MYO1D: variants seen among roughly 807,000 people sequenced by gnomAD.
MYO1D encodes the protein myosin ID.
MYO1D carries 83 observed loss-of-function variants against 122.0 expected under a neutral mutation model. The observed-to-expected ratio is 0.68, with a 90% CI of 0.57 to 0.82. The LOEUF (loss-of-function observed/expected upper bound fraction) is 0.82. MYO1D is among the 40% of genes least tolerant of loss of function. The pLI is 0.00. For missense variants in MYO1D, 1,157 were observed against 1,269.5 expected, an observed-to-expected ratio of 0.91 and a Z score of 1.35; for synonymous variants, 464 against 446.9, an observed-to-expected ratio of 1.04 and a Z score of -0.48.
intron 21 of MYO1D, among the ~76,000 whole-genome samples, chr17:32,571,054 A>G (rs934992694): frequency 1.3e-5 from 2 of 152,022 alleles, no homozygotes. Context: ...AAGTCACAAG[A>G]TGGGTGGGTG....
intron 21 of MYO1D, among the ~76,000 whole-genome samples, chr17:32,551,779 A>G (rs12937477): frequency 0.01 from 1,571 of 152,270 alleles, 26 homozygotes; most frequent in African/African-American, 0.032. Context: ...GTTCCATGGC[A>G]CAGGAACACC....
chr17:32,812,973 T>C (rs1379365342), intron 1 of MYO1D, among the ~76,000 whole-genome samples: 3 of 152,196 alleles, frequency 2.0e-5, no homozygotes, highest in Non-Finnish European at 1.5e-5. Context: ...ATATAACTTA[T>C]ACACATGGAG....
intron 16 of MYO1D, among the ~76,000 whole-genome samples, chr17:32,708,354 T>C (rs2089334614): frequency 6.6e-6 from 1 of 152,226 alleles, no homozygotes. Context: ...GGGTTTTAGG[T>C]GACTTTTTCA....
At chr17:32,549,233 C>T (rs185088919) in intron 21 of MYO1D, among the ~76,000 whole-genome samples, 1 of 152,234 alleles carries the variant, frequency 6.6e-6, no homozygotes, top group Admixed American at 6.5e-5. Context: ...GCTAGGACTA[C>T]AGGCACACAG....
At chr17:32,821,343 C>T (rs1179286741) in intron 1 of MYO1D, among the ~76,000 whole-genome samples, 1 of 152,064 alleles carries the variant, frequency 6.6e-6, no homozygotes, top group African/African-American at 2.4e-5. Context: ...CTATCACTTT[C>T]ATTGTTTAAC....
rs1317525135 is a variant in MYO1D, at chr17:32,493,368, CA to C, written c.*1390del. The C allele has an allele frequency of 6.6e-6, 1 of 152,364 alleles. No homozygotes were observed. Among genetic ancestry groups the C allele is most frequent in the Non-Finnish European group, 1.5e-5 (1 of 68,158 alleles). The allele number at this position is 152,364 out of a possible 1,614,324, so 9.4% of individuals were successfully genotyped here. ...TGGGTGAGGCACAGGAGGCTGCACA[CA>C]GGCACTTGGTGGGTTCTGCCGGGTC... On this transcript the variant is annotated 3_prime_UTR_variant, in exon 22 of 22. Coordinates refer to ENST00000318217, the MANE Select transcript of MYO1D (RefSeq NM_015194.3).
chr17:32,701,382 AAAG>A (rs1243674033), intron 16 of MYO1D, among the ~76,000 whole-genome samples: 9 of 152,204 alleles, frequency 5.9e-5, no homozygotes, highest in Non-Finnish European at 1.3e-4. Flanking sequence ...ACAGACAAAA[AAAG>A]AAAAGTGTCC....
rs1410800357 is a variant in MYO1D at position 32,598,290 on chromosome 17, C to T, written c.2864+6797G>A. Among the ~76,000 whole-genome samples, 3 of 151,844 alleles carry T rather than the reference C, an allele frequency of 2.0e-5. No individual in the cohort carries two copies. The East Asian group carries it at 5.9e-4, about 30-fold the overall frequency. On this transcript the variant is annotated intron_variant, in intron 21 of 21. Transcript: ENST00000318217. ...TCAGGAGCCTGAGGCACGAGAATTGCTTGAATACATGAAGCGGAGGTTGCA... is the reference window on the plus strand; with the variant it reads ...TCAGGAGCCTGAGGCACGAGAATTGTTTGAATACATGAAGCGGAGGTTGCA...
rs535491203 is a variant in MYO1D at position 32,677,455 on chromosome 17, G to A, written c.2122-18117C>T. Among the ~76,000 whole-genome samples the A allele has an allele frequency of 5.9e-5, 9 of 152,064 alleles. No homozygotes were observed. The South Asian group carries it at 1.0e-3, about 18-fold the overall frequency. Reference sequence around the variant, plus strand: ...AGGAGAAATGTTCCATGTGAGTGGTGTGAATCTAGGTCAGCACCTGGTCAG... The same window carrying A: ...AGGAGAAATGTTCCATGTGAGTGGTATGAATCTAGGTCAGCACCTGGTCAG... On this transcript the variant is annotated intron_variant, in intron 16 of 21. Transcript: ENST00000318217.
intron 21 of MYO1D, among the ~76,000 whole-genome samples, chr17:32,588,314 A>G (rs1236728807): frequency 6.6e-6 from 1 of 152,228 alleles, no homozygotes; most frequent in Non-Finnish European, 1.5e-5. Flanking sequence ...AATCCCTTTA[A>G]GGGCACGATG....
rs749819200 is a variant in MYO1D at position 32,563,204 on chromosome 17, C to CTTTTTTTTTTTTTTTTTTTTTTTTT, written c.2864+41882_2864+41883insAAAAAAAAAAAAAAAAAAAAAAAAA. 2.9e-5 allele frequency among the ~76,000 whole-genome samples: 3 copies of CTTTTTTTTTTTTTTTTTTTTTTTTT among 105,140 alleles called. 1 individual carries two copies. Among genetic ancestry groups the CTTTTTTTTTTTTTTTTTTTTTTTTT allele is most frequent in the African/African-American group, 8.4e-5 (2 of 23,930 alleles). 69.0% of individuals were successfully genotyped at this position (105,140 alleles called of 152,430 possible). ...GCAATTACAGCTCTTTTTTTCTTCT[C>CTTTTTTTTTTTTTTTTTTTTTTTTT]TCTTTTTTTTTTTTTTTTTTTTTGA... On this transcript the variant is annotated intron_variant, in intron 21 of 21. Transcript: ENST00000318217.
intron 1 of MYO1D, among the ~76,000 whole-genome samples, chr17:32,836,261 T>C (rs887457806): frequency 4.6e-5 from 7 of 152,232 alleles, no homozygotes; most frequent in African/African-American, 1.7e-4. Context: ...ATTTGTGATT[T>C]AGAGAAGAGC....
intron 16 of MYO1D, among the ~76,000 whole-genome samples, chr17:32,697,512 C>T (rs908388584): frequency 6.6e-6 from 1 of 152,154 alleles, no homozygotes; most frequent in Non-Finnish European, 1.5e-5. Flanking sequence ...TAGCATACCC[C>T]AGCTTCCTGT....
intron 16 of MYO1D, among the ~76,000 whole-genome samples, chr17:32,704,459 G>A (rs1309605607): frequency 2.6e-5 from 4 of 152,118 alleles, no homozygotes; most frequent in African/African-American, 9.7e-5. Flanking sequence ...TTAGTTGGTG[G>A]GAACATAAAT....
chr17:32,742,282 G>A (rs774547819), intron 13 of MYO1D, among the ~76,000 whole-genome samples: 3 of 152,184 alleles, frequency 2.0e-5, no homozygotes, highest in Non-Finnish European at 2.9e-5. Flanking sequence ...TTCAGTGGAG[G>A]AGGGTACCAG....
chr17:32,712,479 A>G (rs1016566889), intron 15 of MYO1D, among the ~76,000 whole-genome samples: 8 of 152,168 alleles, frequency 5.3e-5, no homozygotes, highest in Non-Finnish European at 1.0e-4. Context: ...GTAACCTTAG[A>G]AACATTCTTT....
chr17:32,730,003 A>G (rs574479260), intron 14 of MYO1D, among the ~76,000 whole-genome samples: 1 of 152,106 alleles, frequency 6.6e-6, no homozygotes, highest in Non-Finnish European at 1.5e-5. Context: ...TTTACATTCA[A>G]TGTAATTACT....
At chr17:32,498,725 C>T (rs1909212877) in intron 21 of MYO1D, 1 of 152,226 alleles carries the variant, frequency 6.6e-6, no homozygotes, top group Non-Finnish European at 1.5e-5. Flanking sequence ...CCACTGCTTT[C>T]TCAGTTAAGT....
chr17:32,788,144 T>A (rs1318407492), intron 1 of MYO1D, among the ~76,000 whole-genome samples: 1 of 152,206 alleles, frequency 6.6e-6, no homozygotes, highest in East Asian at 1.9e-4. Flanking sequence ...AAATGGTAAT[T>A]CTCCATCCTG....
Sources: gnomAD v4.1 joint callset for allele counts (sites outside exome capture counted in the v4.1 genomes callset) on GRCh38, gnomAD v4.1.1 for gene constraint, MANE v1.5 for transcripts, NCBI Gene and HGNC (gene_info 2026-07-23, HGNC 2026-07-21) for gene names.